The following ATF7 variants were observed in gnomAD, a reference collection of about 807,000 sequenced individuals.
ATF7 encodes activating transcription factor 7.
ATF7 carries 10 observed loss-of-function variants against 50.4 expected under a neutral mutation model. The observed-to-expected ratio is 0.20, with a 90% confidence interval of 0.12 to 0.34. The LOEUF (loss-of-function observed/expected upper bound fraction) is 0.34, where lower values mean the gene tolerates loss of function less well. Among genes scored for constraint, ATF7 ranks in the 10% least tolerant of loss-of-function variants. The pLI, the probability that ATF7 is intolerant of heterozygous loss-of-function variation, is 1.00. For synonymous variants in ATF7, 201 were observed against 226.4 expected (o/e 0.89, Z 1.01); for missense variants, 465 against 613.9 (o/e 0.76, Z 2.56).
At chr12:53,611,939 T>C (rs1461653989) in intron 1 of ATF7, among the ~76,000 whole-genome samples, 2 of 150,900 alleles carry the variant, frequency 1.3e-5, no homozygotes, top group African/African-American at 2.5e-5. Flanking sequence ...GGAAAGAATA[T>C]GTTGTGATAT....
rs1420010592 is a variant in ATF7, at chr12:53,515,554, T to C, written c.*1583A>G. On this transcript the variant is annotated 3_prime_UTR_variant, in exon 12 of 12. Transcript: ENST00000420353. ...TCCTATGGTCCTGGTAGAAACTGCATAGTTCAGAGCCAAGGGGAGATGAGA... is the reference window on the plus strand; with the variant it reads ...TCCTATGGTCCTGGTAGAAACTGCACAGTTCAGAGCCAAGGGGAGATGAGA... 2 of 152,130 alleles carry C rather than the reference T, an allele frequency of 1.3e-5. No homozygotes were observed. The highest frequency in any genetic ancestry group is 4.8e-5 in the African/African-American group (2 of 41,436). 9.4% of individuals were successfully genotyped at this position (152,130 alleles called of 1,614,324 possible). A position where few individuals can be genotyped will look rare whatever the true frequency, so the allele number is the denominator to read the frequency against.
At chr12:53,543,140 C>T in intron 4 of ATF7, 190 bp downstream of exon 4, 1 of 1,482,598 alleles carries the variant, frequency 6.7e-7, no homozygotes, top group Non-Finnish European at 8.9e-7. Context: ...TTGTGCTGAT[C>T]CATCATCTGG....
chr12:53,554,917 TG>T (rs1158043085), intron 2 of ATF7, among the ~76,000 whole-genome samples: 4 of 148,302 alleles, frequency 2.7e-5, no homozygotes, highest in Non-Finnish European at 4.4e-5. Context: ...GGTTTCTGAT[TG>T]ATCTAGGACA....
At chr12:53,530,265 C>A (rs953239694) in intron 9 of ATF7, among the ~76,000 whole-genome samples, 4 of 152,096 alleles carry the variant, frequency 2.6e-5, no homozygotes, top group Non-Finnish European at 5.9e-5. Flanking sequence ...AGCATATGGC[C>A]ATGAAATGTT....
intron 2 of ATF7, among the ~76,000 whole-genome samples, chr12:53,569,605 C>G (rs1941635100): frequency 6.6e-6 from 1 of 152,110 alleles, no homozygotes; most frequent in Non-Finnish European, 1.5e-5. Context: ...TGAATACTTT[C>G]ATGTCTTATA....
intron 2 of ATF7, among the ~76,000 whole-genome samples, chr12:53,595,597 A>C (rs1054011639): frequency 2.6e-5 from 4 of 152,240 alleles, no homozygotes; most frequent in African/African-American, 9.6e-5. Context: ...ATTACAGAGC[A>C]ATAGAGATTT....
chr12:53,598,373 G>A (rs1340350122), intron 2 of ATF7, among the ~76,000 whole-genome samples: 2 of 152,140 alleles, frequency 1.3e-5, no homozygotes, highest in African/African-American at 2.4e-5. Flanking sequence ...CTTTTTCTAT[G>A]AAATAAGTAT....
At chr12:53,540,102 C>T (rs926387828) in intron 4 of ATF7, among the ~76,000 whole-genome samples, 1 of 152,056 alleles carries the variant, frequency 6.6e-6, no homozygotes, top group African/African-American at 2.4e-5. Flanking sequence ...CTTGTAATCC[C>T]AGCACTTTGG....
chr12:53,606,695 T>C (rs1943620853), intron 1 of ATF7, among the ~76,000 whole-genome samples: 1 of 148,814 alleles, frequency 6.7e-6, no homozygotes, highest in Admixed American at 6.7e-5. Flanking sequence ...GTATATCTCC[T>C]AATGCTATCC....
chr12:53,510,285 C>T (rs558613565), downstream of ATF7, among the ~76,000 whole-genome samples: 14 of 152,288 alleles, frequency 9.2e-5, no homozygotes, highest in East Asian at 1.9e-4. Context: ...GTGATCCGCC[C>T]GCCTGGGACT....
In ATF7 at chr12:53,552,576, A is replaced by T; in HGVS notation, c.110T>A (p.Phe37Tyr). Residue 37 changes from phenylalanine (F) to tyrosine (Y), a missense_variant, in exon 3 of 12, where the codon TTT (phenylalanine) becomes TAT (tyrosine). Physicochemically the swap from Phe to Tyr is conservative, Grantham distance 22. Coordinates refer to ENST00000420353, the MANE Select transcript of ATF7 (RefSeq NM_006856.3). ...GACTGAGTCAGTTCGGGCTGGGCCA[A>T]ATTTCAATGTCATCTCATGCTTGTG... ...HKHKHEMTLK[F>Y]GPARTDSVII... is the part of the protein sequence containing the mutation. 6.2e-7 allele frequency: 1 copy of T among 1,613,950 alleles called. No individual in the cohort carries two copies. Among genetic ancestry groups the T allele is most frequent in the African/African-American group, 1.3e-5 (1 of 75,018 alleles).
chr12:53,577,716 T>TG (rs1592915094), intron 2 of ATF7, among the ~76,000 whole-genome samples: 1 of 114,254 alleles, frequency 8.8e-6, no homozygotes, highest in East Asian at 2.9e-4. Flanking sequence ...ACTCCGTCTC[T>TG]GAAAAAAAAA....
chr12:53,567,828 T>C (rs1941527517), intron 2 of ATF7, among the ~76,000 whole-genome samples: 1 of 152,270 alleles, frequency 6.6e-6, no homozygotes, highest in Non-Finnish European at 1.5e-5. Flanking sequence ...GAAAAGGTTA[T>C]TTTAAAATCA....
intron 9 of ATF7, among the ~76,000 whole-genome samples, chr12:53,530,901 ACC>A (rs1273521388): frequency 6.6e-6 from 1 of 151,928 alleles, no homozygotes; most frequent in African/African-American, 2.4e-5. Context: ...GAGCCACCTC[ACC>A]CAGCCTATTT....
Position 53,611,903 on chromosome 12 carries a change from A to AT in ATF7, c.-21-10883dup, listed in dbSNP as rs533882308. ...GCCACCACTTTCAGCCAGTTTTTAC[A>AT]TTTTTTCAACGGTTGAAAAAAAATC... On this transcript the variant is annotated intron_variant, in intron 1 of 11. Coordinates refer to ENST00000420353, the MANE Select transcript of ATF7 (RefSeq NM_006856.3). Among the ~76,000 whole-genome samples, 795 of 151,476 alleles carry AT rather than the reference A, an allele frequency of 5.2e-3. 9 individuals carry two copies. Among genetic ancestry groups the AT allele is most frequent in the African/African-American group, 0.019 (766 of 41,290 alleles).
Position 53,612,518 on chromosome 12 carries a change from C to T in ATF7, c.-21-11497G>A, listed in dbSNP as rs139967605. Among the ~76,000 whole-genome samples, 369 of 152,128 alleles carry T rather than the reference C, an allele frequency of 2.4e-3. 12 individuals carry two copies. The East Asian group carries it at 0.063, about 26-fold the overall frequency. On this transcript the variant is annotated intron_variant, in intron 1 of 11. Coordinates refer to ENST00000420353, the MANE Select transcript of ATF7 (RefSeq NM_006856.3). Reference sequence around the variant, plus strand: ...CAATCTCCTGACCTCGTGATCCACCCGCTTCAGCCTCCCAAAGTGCTGGGA... The same window carrying T: ...CAATCTCCTGACCTCGTGATCCACCTGCTTCAGCCTCCCAAAGTGCTGGGA...
At chr12:53,600,343 TC>T (rs1943341212) in intron 2 of ATF7, among the ~76,000 whole-genome samples, 2 of 152,074 alleles carry the variant, frequency 1.3e-5, no homozygotes, top group South Asian at 4.1e-4. Flanking sequence ...TTTCTTTCTT[TC>T]TTTTTTTTTT....
chr12:53,558,707 A>G (rs1348216880), intron 2 of ATF7, among the ~76,000 whole-genome samples: 1 of 152,242 alleles, frequency 6.6e-6, no homozygotes, highest in Admixed American at 6.5e-5. Flanking sequence ...CTCCCTTATG[A>G]AGAAAAAAAG....
chr12:53,611,481 T>TTTTA (rs1359388515), intron 1 of ATF7, among the ~76,000 whole-genome samples: 1 of 152,138 alleles, frequency 6.6e-6, no homozygotes, highest in Non-Finnish European at 1.5e-5. Context: ...ACAAAATTCT[T>TTTTA]AATCCAGTAA....
Sources: gnomAD v4.1 joint callset for allele counts (sites outside exome capture counted in the v4.1 genomes callset) on GRCh38, gnomAD v4.1.1 for gene constraint, MANE v1.5 for transcripts, NCBI Gene and HGNC (gene_info 2026-07-23, HGNC 2026-07-21) for gene names.